DLC1: variants seen among roughly 807,000 people sequenced by gnomAD.
DLC1 encodes DLC1 Rho GTPase activating protein, also known as rho GTPase-activating protein 7.
A neutral mutation model predicts 140.3 loss-of-function variants in DLC1; 54 were observed. That is an observed-to-expected ratio of 0.38 (90% CI 0.31 to 0.48). The LOEUF is 0.48. Among genes scored for constraint, DLC1 ranks in the 20% least tolerant of loss-of-function variants. The probability of loss-of-function intolerance (pLI) is 0.96; values close to 1 mark genes in which losing one functional copy is unlikely to be tolerated. For synonymous variants in DLC1, 986 were observed against 728.1 expected, an observed-to-expected ratio of 1.35 and a Z score of -5.70; for missense variants, 2,536 against 1,907.0, an observed-to-expected ratio of 1.33 and a Z score of -6.14.
At chr8:13,160,659 T>C (rs919396122) in intron 5 of DLC1, among the ~76,000 whole-genome samples, 2 of 152,216 alleles carry the variant, frequency 1.3e-5, no homozygotes, top group African/African-American at 4.8e-5. Flanking sequence ...GCAGAAAGCT[T>C]CATGCATCCT....
intron 5 of DLC1, chr8:13,214,829 C>A: frequency 1.3e-6 from 1 of 767,048 alleles, no homozygotes. Flanking sequence ...GATTTGAGTG[C>A]TGGTGGCAAT....
At chr8:13,153,507 G>C (rs1198546406) in intron 5 of DLC1, among the ~76,000 whole-genome samples, 2 of 152,190 alleles carry the variant, frequency 1.3e-5, no homozygotes, top group Admixed American at 6.5e-5. Context: ...ACCCAAACAG[G>C]TCGCCACTGC....
intron 1 of DLC1, among the ~76,000 whole-genome samples, chr8:13,564,429 C>A (rs982468187): frequency 6.6e-6 from 1 of 152,186 alleles, no homozygotes; most frequent in Non-Finnish European, 1.5e-5. Flanking sequence ...TCTACAGAAC[C>A]AAGCACAGCG....
chr8:13,227,522 A>C (rs963573419), intron 5 of DLC1, among the ~76,000 whole-genome samples: 10 of 152,192 alleles, frequency 6.6e-5, no homozygotes, highest in African/African-American at 2.4e-4. Flanking sequence ...CTGGTAGCTG[A>C]AAATTCAAGA....
chr8:13,094,737 C>G, intron 12 of DLC1, 22 bp downstream of exon 12: 1 of 1,613,906 alleles, frequency 6.2e-7, no homozygotes, highest in Non-Finnish European at 8.5e-7. Context: ...TGCCAACAAT[C>G]TTAAGATCAA....
chr8:13,490,616 G>A (rs956494723), intron 2 of DLC1, among the ~76,000 whole-genome samples: 6 of 152,158 alleles, frequency 3.9e-5, no homozygotes, highest in African/African-American at 1.4e-4. Flanking sequence ...ACCTATGGTT[G>A]TTTGTTGGTA....
intron 1 of DLC1, among the ~76,000 whole-genome samples, chr8:13,581,577 C>T (rs959631799): frequency 1.3e-5 from 2 of 152,186 alleles, no homozygotes; most frequent in African/African-American, 4.8e-5. Context: ...GTCTTTATAT[C>T]CACTGTCACC....
chr8:13,157,614 T>C (rs1271677068), intron 5 of DLC1, among the ~76,000 whole-genome samples: 2 of 152,176 alleles, frequency 1.3e-5, no homozygotes, highest in Non-Finnish European at 2.9e-5. Context: ...GCCTGTTGCC[T>C]CACAAAAATA....
At chr8:13,095,295 T>A in intron 10 of DLC1, 50 bp from the exon 11 acceptor site, 10 of 1,611,432 alleles carry the variant, frequency 6.2e-6, no homozygotes, top group Non-Finnish European at 8.5e-6. Context: ...TGCTCACTTG[T>A]CTGTCTACAC....
At position 13,499,979 on chromosome 8, in the gene DLC1, A is replaced by G; in HGVS notation, c.93T>C (p.Cys31=). The G allele has an allele frequency of 6.2e-7, 1 of 1,614,126 alleles. No individual in the cohort carries two copies. Among genetic ancestry groups the G allele is most frequent in the Non-Finnish European group, 8.5e-7 (1 of 1,179,994 alleles). The change falls in exon 2 of 18, where the codon TGT becomes TGC. Residue 31 remains cysteine, a synonymous_variant. Coordinates refer to ENST00000276297, the MANE Select transcript of DLC1 (RefSeq NM_182643.3). ...AGCTGTCAGCTACTAGTCCATGATG[A>G]CATGCTGTGTTACGATCATCAGAAT... ...PFNSDDRNTA[C]HHGLVADSLQ...
intron 5 of DLC1, among the ~76,000 whole-genome samples, chr8:13,262,125 T>G (rs1196119626): frequency 1.3e-5 from 2 of 152,182 alleles, no homozygotes; most frequent in African/African-American, 4.8e-5. Context: ...GTTCTAAATG[T>G]CACATTATGG....
chr8:13,552,098 C>A (rs562079813), intron 1 of DLC1, among the ~76,000 whole-genome samples: 84 of 33,046 alleles, frequency 2.5e-3, no homozygotes, highest in African/African-American at 7.5e-3. Flanking sequence ...TATGTATGTA[C>A]CTGTCTAGAG....
At chr8:13,121,861 T>A (rs768168239) in intron 5 of DLC1, among the ~76,000 whole-genome samples, 5 of 151,980 alleles carry the variant, frequency 3.3e-5, no homozygotes, top group Non-Finnish European at 7.4e-5. Flanking sequence ...GCCAGGGAGC[T>A]TTTTAAAAAC....
intron 15 of DLC1, 105 bp from the exon 16 acceptor site, chr8:13,088,809 G>A (rs1817792473): frequency 3.6e-6 from 3 of 844,392 alleles, no homozygotes; most frequent in African/African-American, 1.7e-5. Context: ...TATAATCAAC[G>A]TTAATTGATT....
At chr8:13,276,461 C>A (rs1831171602) in intron 5 of DLC1, 2 of 1,361,096 alleles carry the variant, frequency 1.5e-6, no homozygotes, top group East Asian at 3.1e-5. Flanking sequence ...TACTCCGCCC[C>A]GCGCTGTGCT....
In DLC1 at chr8:13,132,422, G is replaced by A. The variant is rs569920647; in HGVS notation, c.1349-16765C>T. Among the ~76,000 whole-genome samples, 278 of 151,928 alleles carry A rather than the reference G, an allele frequency of 1.8e-3. 1 individual carries two copies. Among genetic ancestry groups the A allele is most frequent in the Admixed American group, 7.6e-3 (116 of 15,272 alleles). The stretch of plus-strand genomic sequence containing the variant: ...AAACAAGTTTTTGGTGAACTTTCAG[G>A]CAGTGATGAAAAAAAAAAATTTCCA... On this transcript the variant is annotated intron_variant, in intron 5 of 17. Coordinates refer to ENST00000276297, the MANE Select transcript of DLC1 (RefSeq NM_182643.3).
At chr8:13,466,663 G>T (rs1429512287) in intron 2 of DLC1, among the ~76,000 whole-genome samples, 1 of 152,090 alleles carries the variant, frequency 6.6e-6, no homozygotes, top group Non-Finnish European at 1.5e-5. Flanking sequence ...AGAGTTTATT[G>T]CCACTGTACT....
intron 15 of DLC1, 47 bp downstream of exon 15, chr8:13,090,205 G>C: frequency 6.4e-7 from 1 of 1,568,710 alleles, no homozygotes; most frequent in Admixed American, 1.8e-5. Context: ...ATGGACCCAA[G>C]CTTCGACTCC....
At chr8:13,420,226 A>G (rs73553478) in intron 2 of DLC1, among the ~76,000 whole-genome samples, 2,509 of 152,070 alleles carry the variant, frequency 0.016, 19 homozygotes, top group Middle Eastern at 0.037. Flanking sequence ...AGTTCTGCTC[A>G]GAGTACCTAC....
Sources: allele counts gnomAD v4.1 joint callset (sites outside exome capture counted in the v4.1 genomes callset), GRCh38; gene constraint gnomAD v4.1.1; transcripts MANE v1.5; gene names NCBI Gene and HGNC (gene_info 2026-07-23, HGNC 2026-07-21).